RNLS: variants seen among roughly 807,000 people sequenced by gnomAD.
RNLS encodes the protein renalase.
A neutral mutation model predicts 39.8 loss-of-function variants in RNLS; 39 were observed. That is an observed-to-expected ratio of 0.98 (90% CI 0.76 to 1.28). The LOEUF (loss-of-function observed/expected upper bound fraction) is 1.28, where lower values mean the gene tolerates loss of function less well. Ranked by LOEUF, RNLS falls within the 50% of genes most tolerant of loss-of-function variation. The pLI, the probability that RNLS is intolerant of heterozygous loss-of-function variation, is 0.00. For synonymous variants in RNLS, 147 were observed against 150.7 expected, an observed-to-expected ratio of 0.98 and a Z score of 0.18; for missense variants, 410 against 413.3, an observed-to-expected ratio of 0.99 and a Z score of 0.07.
chr10:88,460,294 T>A (rs1842873923), intron 4 of RNLS, among the ~76,000 whole-genome samples: 1 of 152,152 alleles, frequency 6.6e-6, no homozygotes, highest in East Asian at 1.9e-4. Flanking sequence ...TGAAGAATAA[T>A]GACATCCCCA....
intron 4 of RNLS, among the ~76,000 whole-genome samples, chr10:88,424,496 T>C (rs961049079): frequency 9.9e-5 from 15 of 151,986 alleles, no homozygotes; most frequent in Admixed American, 1.3e-4. Flanking sequence ...AAAAGCAGCA[T>C]GCAAACTGAG....
chr10:88,407,004 C>T (rs754238328), intron 4 of RNLS, among the ~76,000 whole-genome samples: 5 of 151,874 alleles, frequency 3.3e-5, no homozygotes, highest in South Asian at 2.1e-4. Context: ...GCTATAAGGA[C>T]GCAAAGGCAT....
intron 6 of RNLS, among the ~76,000 whole-genome samples, chr10:88,306,627 A>T (rs950800515): frequency 3.9e-5 from 6 of 152,202 alleles, no homozygotes; most frequent in Non-Finnish European, 5.9e-5. Flanking sequence ...AGACTAAACC[A>T]GGAAGAAACG....
downstream of RNLS, among the ~76,000 whole-genome samples, chr10:88,281,252 T>C (rs1843000315): frequency 6.6e-6 from 1 of 152,156 alleles, no homozygotes; most frequent in Non-Finnish European, 1.5e-5. Context: ...AATATGCAGT[T>C]TGGATTCTGA....
chr10:88,424,165 T>A (rs960826727), intron 4 of RNLS, among the ~76,000 whole-genome samples: 1 of 152,220 alleles, frequency 6.6e-6, no homozygotes, highest in African/African-American at 2.4e-5. Context: ...GGTCCATGAA[T>A]GCTGAAGCTT....
intron 5 of RNLS, among the ~76,000 whole-genome samples, chr10:88,353,463 T>C (rs185123879): frequency 1.4e-4 from 22 of 152,356 alleles, no homozygotes; most frequent in African/African-American, 5.3e-4. Context: ...TTCATTTCAT[T>C]ATGTAGCCAG....
chr10:88,398,768 G>A lies in RNLS; in HGVS notation c.527-36043C>T, dbSNP rs117384081. ...GGTATCAACAGAACAAACAACCAAA[G>A]GGGGGCAAAAAGATAAATTGGACTT... is the stretch of plus-strand genomic sequence containing the variant. On this transcript the variant is annotated intron_variant, in intron 4 of 6. Coordinates refer to ENST00000331772, the MANE Select transcript of RNLS (RefSeq NM_001031709.3). Among the ~76,000 whole-genome samples, 1,264 of 151,954 alleles carry A rather than the reference G, an allele frequency of 8.3e-3. 20 individuals are homozygous for A. Among genetic ancestry groups the A allele is most frequent in the East Asian group, 0.028 (145 of 5,158 alleles).
chr10:88,215,284 C>T, the RNLS span, among the ~76,000 whole-genome samples: 1 of 151,952 alleles, frequency 6.6e-6, no homozygotes, highest in African/African-American at 2.4e-5. Context: ...TTCATTGACC[C>T]CTATGAGATG....
chr10:88,555,731 G>A (rs147884813), intron 4 of RNLS, among the ~76,000 whole-genome samples: 91 of 152,226 alleles, frequency 6.0e-4, no homozygotes, highest in African/African-American at 2.1e-3. Context: ...TGAAACTATA[G>A]TCAGTATTTG....
At chr10:88,541,686 C>T (rs895011644) in intron 4 of RNLS, among the ~76,000 whole-genome samples, 10 of 152,132 alleles carry the variant, frequency 6.6e-5, no homozygotes, top group Admixed American at 5.9e-4. Flanking sequence ...TTGACTCTAC[C>T]AATGGCTCCT....
chr10:88,411,871 A>AGAG, intron 4 of RNLS, among the ~76,000 whole-genome samples: 1 of 152,026 alleles, frequency 6.6e-6, no homozygotes, highest in Non-Finnish European at 1.5e-5. Context: ...CAAGTAGAAC[A>AGAG]TGAGTCACAT....
At chr10:88,401,988 C>A (rs792231) in intron 4 of RNLS, among the ~76,000 whole-genome samples, 25,009 of 151,858 alleles carry the variant, frequency 0.16, 2,736 homozygotes, top group Non-Finnish European at 0.25. Context: ...TATGGAGAAA[C>A]TCCTGGGAAG....
the RNLS span, among the ~76,000 whole-genome samples, chr10:88,231,983 GGC>G: frequency 8.8e-6 from 1 of 113,548 alleles, no homozygotes; most frequent in African/African-American, 3.3e-5. Flanking sequence ...TGTCTCAGAT[GGC>G]TGAGTTCCTT....
chr10:88,214,498 C>CAAAA, the RNLS span, among the ~76,000 whole-genome samples: 32 of 135,098 alleles, frequency 2.4e-4, no homozygotes, highest in Admixed American at 3.0e-4. Flanking sequence ...GACTCCGTCT[C>CAAAA]AAAAAAAAAA....
At chr10:88,498,950 C>G (rs1453684102) in intron 4 of RNLS, among the ~76,000 whole-genome samples, 2 of 152,082 alleles carry the variant, frequency 1.3e-5, no homozygotes, top group Non-Finnish European at 2.9e-5. Context: ...TTGATTAGAT[C>G]TTGGTTCAGG....
intron 4 of RNLS, among the ~76,000 whole-genome samples, chr10:88,557,496 T>A (rs75715034): frequency 6.6e-6 from 1 of 152,130 alleles, no homozygotes; most frequent in East Asian, 1.9e-4. Context: ...TATAAACAAG[T>A]CTCATAAATC....
intron 4 of RNLS, among the ~76,000 whole-genome samples, chr10:88,542,040 T>C (rs1848072902): frequency 6.6e-6 from 1 of 152,126 alleles, no homozygotes; most frequent in Non-Finnish European, 1.5e-5. Flanking sequence ...GGAGGACCAG[T>C]TATATGACTG....
intron 4 of RNLS, among the ~76,000 whole-genome samples, chr10:88,563,359 A>T (rs1849299070): frequency 6.6e-6 from 1 of 152,208 alleles, no homozygotes; most frequent in Non-Finnish European, 1.5e-5. Flanking sequence ...TGGCAGTATT[A>T]AAGCCACACT....
chr10:88,560,532 T>C (rs764811102), intron 4 of RNLS, among the ~76,000 whole-genome samples: 1 of 152,122 alleles, frequency 6.6e-6, no homozygotes, highest in Non-Finnish European at 1.5e-5. Flanking sequence ...GCAATGTTTC[T>C]GGAGAGCTTT....
Sources: gnomAD v4.1 joint callset for allele counts (sites outside exome capture counted in the v4.1 genomes callset) on GRCh38, gnomAD v4.1.1 for gene constraint, MANE v1.5 for transcripts, NCBI Gene and HGNC (gene_info 2026-07-23, HGNC 2026-07-21) for gene names.